The following PARP8 variants were observed in gnomAD, a reference collection of about 807,000 sequenced individuals.
The protein encoded by PARP8 is poly(ADP-ribose) polymerase family member 8, also known as protein mono-ADP-ribosyltransferase PARP8.
Under a neutral mutation model 124.1 loss-of-function variants are expected in PARP8, and 51 were observed. The ratio of observed to expected loss-of-function variants is 0.41; its 90% CI spans 0.33 to 0.52. PARP8 has a LOEUF of 0.52. Ranked by LOEUF, PARP8 falls within the 20% of genes least tolerant of loss-of-function variation. The pLI, the probability that PARP8 is intolerant of heterozygous loss-of-function variation, is 0.21. For missense variants in PARP8, 860 were observed against 1,018.9 expected, an observed-to-expected ratio of 0.84 and a Z score of 2.12; for synonymous variants, 391 against 361.5, an observed-to-expected ratio of 1.08 and a Z score of -0.93.
At chr5:50,766,144 A>T (rs1761037014) in intron 7 of PARP8, among the ~76,000 whole-genome samples, 1 of 152,214 alleles carries the variant, frequency 6.6e-6, no homozygotes, top group Admixed American at 6.5e-5. Context: ...AAAGTGAGTG[A>T]TGATAGATAT....
Position 50,778,143 on chromosome 5 carries a change from T to A in PARP8, c.579+14T>A, listed in dbSNP as rs1325500633. On this transcript the variant is annotated intron_variant, in intron 8 of 25. Transcript: ENST00000281631. The stretch of plus-strand genomic sequence containing the variant: ...AGCTTTCTTGATGTAAGTATCAATT[T>A]TATGTAATATGAATGGTGCATTTAA... 6.5e-7 allele frequency: 1 copy of A among 1,535,182 alleles called. No homozygotes were observed. Among genetic ancestry groups the A allele is most frequent in the Non-Finnish European group, 9.0e-7 (1 of 1,116,046 alleles).
At chr5:50,780,896 G>T (rs1437847985) in intron 9 of PARP8, among the ~76,000 whole-genome samples, 1 of 147,782 alleles carries the variant, frequency 6.8e-6, no homozygotes, top group South Asian at 2.2e-4. Flanking sequence ...AATCTGTTTT[G>T]ATTTGTTTGT....
At chr5:50,825,366 T>C (rs1746227567) in intron 18 of PARP8, among the ~76,000 whole-genome samples, 1 of 152,226 alleles carries the variant, frequency 6.6e-6, no homozygotes, top group Non-Finnish European at 1.5e-5. Flanking sequence ...GAAATCTTTC[T>C]AATCTAAAAT....
intron 7 of PARP8, among the ~76,000 whole-genome samples, chr5:50,770,614 AAGG>A (rs1164593310): frequency 6.6e-6 from 1 of 151,950 alleles, no homozygotes; most frequent in Non-Finnish European, 1.5e-5. Flanking sequence ...GAAAGGAAGG[AAGG>A]AAGGAAGGAG....
chr5:50,702,771 A>G (rs185297480), intron 2 of PARP8, among the ~76,000 whole-genome samples: 26 of 152,328 alleles, frequency 1.7e-4, no homozygotes, highest in African/African-American at 6.0e-4. Flanking sequence ...GGTATCACAT[A>G]GTACTTAGTG....
chr5:50,701,768 G>A (rs1465781898), intron 2 of PARP8, among the ~76,000 whole-genome samples: 1 of 152,122 alleles, frequency 6.6e-6, no homozygotes, highest in Non-Finnish European at 1.5e-5. Flanking sequence ...CACTCAAGGG[G>A]CTTCAGATAG....
Position 50,842,179 on chromosome 5 carries a change from C to A in PARP8, c.*111C>A. On this transcript the variant is annotated 3_prime_UTR_variant, in exon 26 of 26. Transcript: ENST00000281631. ...TATTGTTATTATAAACAAAATTAAC[C>A]CTTTGAATACTGATTTTTTTTCTTA... is the stretch of plus-strand genomic sequence containing the variant. The A allele has an allele frequency of 7.1e-6, 5 of 706,032 alleles. No homozygotes were observed. Among genetic ancestry groups the A allele is most frequent in the Non-Finnish European group, 1.2e-5 (5 of 431,000 alleles). The allele number at this position is 706,032 out of a possible 1,614,324, so 43.7% of individuals were successfully genotyped here. A position where few individuals can be genotyped will look rare whatever the true frequency, so the allele number is the denominator to read the frequency against.
At chr5:50,830,095 G>A in intron 22 of PARP8, 134 bp downstream of exon 22, 1 of 1,082,976 alleles carries the variant, frequency 9.2e-7, no homozygotes, top group South Asian at 3.4e-5. Flanking sequence ...AATGTCAAAA[G>A]CAAAAACAAA....
At chr5:50,669,960 G>A (rs1749815536) in intron 2 of PARP8, among the ~76,000 whole-genome samples, 1 of 152,182 alleles carries the variant, frequency 6.6e-6, no homozygotes, top group South Asian at 2.1e-4. Flanking sequence ...CTGCTGATGT[G>A]TTGCTTTGTC....
chr5:50,683,740 A>G (rs1301913138), intron 2 of PARP8, among the ~76,000 whole-genome samples: 1 of 152,164 alleles, frequency 6.6e-6, no homozygotes, highest in Non-Finnish European at 1.5e-5. Flanking sequence ...TTAACCAAGA[A>G]TAAACACAAG....
At chr5:50,813,906 A>G (rs1400061651) in intron 14 of PARP8, among the ~76,000 whole-genome samples, 9 of 152,126 alleles carry the variant, frequency 5.9e-5, no homozygotes, top group Non-Finnish European at 8.8e-5. Flanking sequence ...GTTCAGATAA[A>G]AACTAGTCAT....
At chr5:50,830,884 A>G (rs1268574939) in intron 22 of PARP8, among the ~76,000 whole-genome samples, 1 of 151,690 alleles carries the variant, frequency 6.6e-6, no homozygotes, top group African/African-American at 2.4e-5. Flanking sequence ...AGGAGATGTC[A>G]TTCACATGGT....
At chr5:50,694,613 C>T (rs1752827782) in intron 2 of PARP8, among the ~76,000 whole-genome samples, 1 of 152,062 alleles carries the variant, frequency 6.6e-6, no homozygotes, top group African/African-American at 2.4e-5. Flanking sequence ...GAGATATTAC[C>T]TTCTAGAAAC....
At chr5:50,726,334 C>A (rs1459588347) in intron 2 of PARP8, among the ~76,000 whole-genome samples, 1 of 152,122 alleles carries the variant, frequency 6.6e-6, no homozygotes, top group African/African-American at 2.4e-5. Context: ...AAAAATCTAT[C>A]CAATGGAGGA....
intron 14 of PARP8, among the ~76,000 whole-genome samples, chr5:50,808,923 A>C (rs1315982865): frequency 1.3e-5 from 2 of 151,744 alleles, no homozygotes; most frequent in Non-Finnish European, 2.9e-5. Flanking sequence ...ACCTATTAAA[A>C]CCCTCCCCTA....
At chr5:50,750,228 G>A (rs754101782) in intron 3 of PARP8, 40 bp downstream of exon 3, 6 of 1,497,654 alleles carry the variant, frequency 4.0e-6, no homozygotes, top group South Asian at 1.1e-5. Flanking sequence ...TCGTATCAGG[G>A]TTCCTTTGAA....
intron 14 of PARP8, among the ~76,000 whole-genome samples, chr5:50,804,034 G>GC (rs1285966325): frequency 6.6e-6 from 1 of 152,100 alleles, no homozygotes; most frequent in Non-Finnish European, 1.5e-5. Flanking sequence ...TCTTTCTTGA[G>GC]CATGCACACA....
intron 10 of PARP8, among the ~76,000 whole-genome samples, chr5:50,793,374 G>T (rs1742175641): frequency 6.6e-6 from 1 of 152,174 alleles, no homozygotes; most frequent in Non-Finnish European, 1.5e-5. Flanking sequence ...GAGGGCCACT[G>T]CCATGTGGAA....
intron 12 of PARP8, among the ~76,000 whole-genome samples, chr5:50,796,289 TA>T (rs2149653026): frequency 6.6e-6 from 1 of 152,328 alleles, no homozygotes; most frequent in African/African-American, 2.4e-5. Flanking sequence ...TTCAGGAAAG[TA>T]ATGTTATTCT....
Sources: allele counts gnomAD v4.1 joint callset (sites outside exome capture counted in the v4.1 genomes callset), GRCh38; gene constraint gnomAD v4.1.1; transcripts MANE v1.5; gene names NCBI Gene and HGNC (gene_info 2026-07-23, HGNC 2026-07-21).